RHBDD1: variants seen among roughly 807,000 people sequenced by gnomAD.
RHBDD1 encodes the protein rhomboid domain containing 1, also known as rhomboid-related protein 4.
RHBDD1 carries 38 observed loss-of-function variants against 36.3 expected under a neutral mutation model. That is an observed-to-expected ratio of 1.05 (90% confidence interval 0.81 to 1.37). The LOEUF is 1.37. Among genes scored for constraint, RHBDD1 ranks in the 40% most tolerant of loss-of-function variants. RHBDD1 has a pLI of 0.00. For synonymous variants in RHBDD1, 151 were observed against 136.5 expected, an observed-to-expected ratio of 1.11 and a Z score of -0.74; for missense variants, 393 against 377.6, an observed-to-expected ratio of 1.04 and a Z score of -0.34.
intron 8 of RHBDD1, chr2:226,988,291 CTGTCCTTCCCT>C: frequency 6.5e-7 from 1 of 1,535,248 alleles, no homozygotes; most frequent in Non-Finnish European, 8.8e-7. Context: ...GTCTCTTCCC[CTGTCCTTCCCT>C]TCCACTGTGC....
intron 8 of RHBDD1, among the ~76,000 whole-genome samples, chr2:226,985,554 C>T (rs989310296): frequency 3.3e-5 from 5 of 152,222 alleles, no homozygotes; most frequent in African/African-American, 9.6e-5. Flanking sequence ...GAATGAAACT[C>T]GGGTGGATAT....
chr2:226,824,021 C>G, the RHBDD1 span, among the ~76,000 whole-genome samples: 14 of 152,252 alleles, frequency 9.2e-5, no homozygotes, highest in East Asian at 2.1e-3. Flanking sequence ...AACACAAGAC[C>G]TTTGGGGAAA....
At chr2:226,901,096 A>T (rs1296206086) in intron 5 of RHBDD1, among the ~76,000 whole-genome samples, 1 of 152,236 alleles carries the variant, frequency 6.6e-6, no homozygotes, top group Non-Finnish European at 1.5e-5. Context: ...TTTAGAGTCC[A>T]CATATGAGTG....
intron 5 of RHBDD1, among the ~76,000 whole-genome samples, chr2:226,884,262 G>A (rs1172072449): frequency 6.6e-6 from 1 of 151,986 alleles, no homozygotes; most frequent in Non-Finnish European, 1.5e-5. Context: ...TAGGCATGAG[G>A]ACTGTTTTCC....
At chr2:226,862,393 T>C (rs1473943565) in intron 3 of RHBDD1, among the ~76,000 whole-genome samples, 1 of 151,322 alleles carries the variant, frequency 6.6e-6, no homozygotes, top group Non-Finnish European at 1.5e-5. Context: ...TCATGCATTG[T>C]CCAGTGTGCA....
chr2:226,893,018 G>C (rs1946817060), intron 5 of RHBDD1, among the ~76,000 whole-genome samples: 1 of 152,310 alleles, frequency 6.6e-6, no homozygotes, highest in Non-Finnish European at 1.5e-5. Context: ...ATTCATTCAT[G>C]TTATGATGTG....
At chr2:226,972,691 T>C (rs1314735623) in intron 8 of RHBDD1, among the ~76,000 whole-genome samples, 1 of 152,210 alleles carries the variant, frequency 6.6e-6, no homozygotes, top group African/African-American at 2.4e-5. Context: ...TAGACACCTA[T>C]GATAGTGACA....
intron 3 of RHBDD1, among the ~76,000 whole-genome samples, chr2:226,850,285 A>G (rs1228354177): frequency 6.6e-6 from 1 of 152,150 alleles, no homozygotes; most frequent in Non-Finnish European, 1.5e-5. Context: ...CTAAAGACAA[A>G]CATGATCTGA....
chr2:226,834,228 A>G (rs1354770724), upstream of RHBDD1, among the ~76,000 whole-genome samples: 1 of 152,242 alleles, frequency 6.6e-6, no homozygotes, highest in Non-Finnish European at 1.5e-5. Flanking sequence ...GATAAGATTA[A>G]TATTAATTGA....
chr2:226,868,212 C>G (rs1944498011), intron 5 of RHBDD1, among the ~76,000 whole-genome samples: 1 of 152,154 alleles, frequency 6.6e-6, no homozygotes, highest in Non-Finnish European at 1.5e-5. Flanking sequence ...TCCACAAAAC[C>G]CTAGAGCTCC....
At chr2:226,842,988 T>G (rs1941836917) in intron 3 of RHBDD1, among the ~76,000 whole-genome samples, 1 of 152,154 alleles carries the variant, frequency 6.6e-6, no homozygotes, top group Non-Finnish European at 1.5e-5. Flanking sequence ...GGTCTTTCAC[T>G]TCCCTTGTTG....
At chr2:226,965,620 T>A (rs1034537279) in intron 8 of RHBDD1, among the ~76,000 whole-genome samples, 1 of 152,134 alleles carries the variant, frequency 6.6e-6, no homozygotes, top group Non-Finnish European at 1.5e-5. Context: ...AAGTGAAGAA[T>A]GACTAAGGTT....
chr2:226,840,062 G>A (rs997150275), intron 3 of RHBDD1, among the ~76,000 whole-genome samples: 1 of 152,154 alleles, frequency 6.6e-6, no homozygotes, highest in Admixed American at 6.5e-5. Flanking sequence ...CAAATGCTAA[G>A]TATTTGTTAG....
intron 8 of RHBDD1, among the ~76,000 whole-genome samples, chr2:226,927,334 G>GTTTTTTTTTTTTTTTTTTTTTT (rs11453624): frequency 6.6e-6 from 1 of 150,752 alleles, no homozygotes; most frequent in Non-Finnish European, 1.5e-5. Context: ...TATACCAGAA[G>GTTTTTTTTTTTTTTTTTTTTTT]TTTTTTTTTG....
chr2:226,960,269 G>A (rs1242419278), intron 8 of RHBDD1, among the ~76,000 whole-genome samples: 1 of 152,222 alleles, frequency 6.6e-6, no homozygotes, highest in Non-Finnish European at 1.5e-5. Context: ...AGCCAATCAA[G>A]TCGATGGTAG....
intron 5 of RHBDD1, among the ~76,000 whole-genome samples, chr2:226,897,469 A>G (rs771404537): frequency 2.6e-5 from 4 of 152,222 alleles, no homozygotes; most frequent in Non-Finnish European, 5.9e-5. Flanking sequence ...TAGTGTTGCT[A>G]TAAAAAAATA....
chr2:226,828,770 G>T, the RHBDD1 span, among the ~76,000 whole-genome samples: 1 of 152,016 alleles, frequency 6.6e-6, no homozygotes, highest in Non-Finnish European at 1.5e-5. Context: ...TACTTGACTG[G>T]TAAGAGTAAT....
the RHBDD1 span, chr2:226,800,294 C>A: frequency 6.6e-6 from 1 of 152,342 alleles, no homozygotes; most frequent in Admixed American, 6.5e-5. Flanking sequence ...AGCTAGATTT[C>A]GGCTTCAGGG....
intron 8 of RHBDD1, among the ~76,000 whole-genome samples, chr2:226,946,790 C>T (rs952297009): frequency 2.6e-5 from 4 of 152,128 alleles, no homozygotes; most frequent in African/African-American, 9.7e-5. Flanking sequence ...AAGACTAAAT[C>T]AGGAAGAAGT....
Sources: allele counts gnomAD v4.1 joint callset (sites outside exome capture counted in the v4.1 genomes callset), GRCh38; gene constraint gnomAD v4.1.1; transcripts MANE v1.5; gene names NCBI Gene and HGNC (gene_info 2026-07-23, HGNC 2026-07-21).